The following FRMD4A variants were observed in gnomAD, a reference collection of about 807,000 sequenced individuals.
FRMD4A encodes FERM domain-containing protein 4A.
Under a neutral mutation model 129.1 loss-of-function variants are expected in FRMD4A, and 29 were observed. That is an observed-to-expected ratio of 0.22 (90% CI 0.17 to 0.31). The LOEUF (loss-of-function observed/expected upper bound fraction) is 0.31. FRMD4A is among the 10% of genes least tolerant of loss of function. FRMD4A has a pLI of 1.00. For missense variants in FRMD4A, 1,272 were observed against 1,375.8 expected (o/e 0.92, Z 1.19); for synonymous variants, 634 against 571.6 (o/e 1.11, Z -1.56).
chr10:14,074,744 T>C (rs1435283052), intron 2 of FRMD4A: 14 of 152,186 alleles, frequency 9.2e-5, no homozygotes, highest in Non-Finnish European at 2.9e-5. Context: ...GTCAAACTTA[T>C]GGCTACACAC....
intron 2 of FRMD4A, among the ~76,000 whole-genome samples, chr10:14,215,554 G>C (rs1016189032): frequency 6.6e-6 from 1 of 152,004 alleles, no homozygotes; most frequent in Non-Finnish European, 1.5e-5. Flanking sequence ...CTCCTTCTTA[G>C]AGCAAAAGAA....
chr10:13,697,508 C>A (rs1474359860), intron 14 of FRMD4A, among the ~76,000 whole-genome samples: 1 of 152,086 alleles, frequency 6.6e-6, no homozygotes, highest in East Asian at 1.9e-4. Flanking sequence ...GGGAGAGGAC[C>A]GGGAGGACAT....
chr10:13,746,115 G>A lies in FRMD4A; in HGVS notation c.548+1621C>T, dbSNP rs11815981. 9.1e-3 allele frequency among the ~76,000 whole-genome samples: 1,384 copies of A among 152,250 alleles called. 26 individuals carry two copies. The highest frequency in any genetic ancestry group is 0.032 in the African/African-American group (1,336 of 41,548). ...AGCTCAGAGAGATGAAATTAGGGACGCCAGACACGGAAGGGAGCTCCCAGC... is the reference window on the plus strand; with the variant it reads ...AGCTCAGAGAGATGAAATTAGGGACACCAGACACGGAAGGGAGCTCCCAGC... On this transcript the variant is annotated intron_variant, in intron 9 of 24. Transcript: ENST00000357447.
intron 15 of FRMD4A, among the ~76,000 whole-genome samples, chr10:13,690,339 G>A (rs2134811962): frequency 6.6e-6 from 1 of 152,348 alleles, no homozygotes; most frequent in East Asian, 1.9e-4. Context: ...CCTTCCAGAT[G>A]GCGCTGCCAA....
chr10:13,713,956 CAT>C (rs1269399734), intron 12 of FRMD4A, among the ~76,000 whole-genome samples: 1 of 108,220 alleles, frequency 9.2e-6, no homozygotes, highest in Non-Finnish European at 1.9e-5. Context: ...AATACACACA[CAT>C]ATATAATATA....
chr10:13,914,105 G>A (rs533867765), intron 2 of FRMD4A, among the ~76,000 whole-genome samples: 2 of 152,296 alleles, frequency 1.3e-5, no homozygotes, highest in East Asian at 3.9e-4. Context: ...GAAGAGGAAG[G>A]CGCGGGCAGA....
Position 13,647,018 on chromosome 10 carries a change from C to A in FRMD4A, c.*20G>T, listed in dbSNP as rs978557169. On this transcript the variant is annotated 3_prime_UTR_variant, in exon 25 of 25. Coordinates refer to ENST00000357447, the MANE Select transcript of FRMD4A (RefSeq NM_018027.5). ...TGGATAGAGGGAGGAATCCAGGAAACAGCTATCATTGTAGCTCCTGTGGGA... is the reference window on the plus strand; with the variant it reads ...TGGATAGAGGGAGGAATCCAGGAAAAAGCTATCATTGTAGCTCCTGTGGGA... The A allele has an allele frequency of 6.2e-6, 6 of 971,652 alleles. No homozygotes were observed. Among genetic ancestry groups the A allele is most frequent in the Admixed American group, 6.2e-5 (1 of 16,254 alleles). 60.2% of individuals were successfully genotyped at this position (971,652 alleles called of 1,614,324 possible).
At chr10:13,675,085 G>A (rs1564580233) in intron 15 of FRMD4A, 41 bp from the exon 16 acceptor site, 1 of 1,582,382 alleles carries the variant, frequency 6.3e-7, no homozygotes, top group Non-Finnish European at 8.6e-7. Context: ...GCTGACAGGG[G>A]ACACACATCT....
At chr10:14,053,864 A>T (rs2131690633) in intron 2 of FRMD4A, among the ~76,000 whole-genome samples, 1 of 152,258 alleles carries the variant, frequency 6.6e-6, no homozygotes, top group East Asian at 1.9e-4. Flanking sequence ...TCTCTACAAA[A>T]AAATGAAAAA....
At position 13,685,229 on chromosome 10, in the gene FRMD4A, G is replaced by T. The variant is rs918921164; in HGVS notation, c.1117+8669C>A. The T allele has an allele frequency of 4.1e-6, 4 of 983,574 alleles. No individual in the cohort carries two copies. In the African/African-American group the frequency reaches 7.0e-5, roughly 17 times the overall value. 60.9% of individuals were successfully genotyped at this position (983,574 alleles called of 1,614,324 possible). A position where few individuals can be genotyped will look rare whatever the true frequency, so the allele number is the denominator to read the frequency against. ...AAAATAGTTCATTTCAGAGAGCATT[G>T]AAATTGAAGCTCTTTGAAAACCAAG... On this transcript the variant is annotated intron_variant, in intron 15 of 24. Coordinates refer to ENST00000357447, the MANE Select transcript of FRMD4A (RefSeq NM_018027.5).
In FRMD4A at chr10:13,791,333, C is replaced by G. The variant is rs533075771; in HGVS notation, c.299+5163G>C. On this transcript the variant is annotated intron_variant, in intron 5 of 24. Transcript: ENST00000357447. Reference sequence around the variant, plus strand: ...TCTGTGTGGGGTTCATCACAATAACCATGAACCAACCTGAAGTTGCATGAA... The same window carrying G: ...TCTGTGTGGGGTTCATCACAATAACGATGAACCAACCTGAAGTTGCATGAA... 6.6e-5 allele frequency among the ~76,000 whole-genome samples: 10 copies of G among 152,206 alleles called. No homozygotes were observed. The East Asian group carries it at 1.9e-3, about 29-fold the overall frequency.
At chr10:14,172,774 A>G (rs1247539945) in intron 2 of FRMD4A, among the ~76,000 whole-genome samples, 1 of 152,206 alleles carries the variant, frequency 6.6e-6, no homozygotes, top group African/African-American at 2.4e-5. Context: ...AAGCAACAGG[A>G]TTCCAGCTAC....
intron 22 of FRMD4A, chr10:13,655,748 C>CTTCTGACTCTCATTTTATTCTT (rs1187481831): frequency 6.6e-6 from 1 of 152,194 alleles, no homozygotes; most frequent in East Asian, 1.9e-4. Flanking sequence ...CTCCCATTTG[C>CTTCTGACTCTCATTTTATTCTT]TTCTGACTCT....
intron 12 of FRMD4A, among the ~76,000 whole-genome samples, chr10:13,714,687 T>G (rs939113570): frequency 6.6e-6 from 1 of 152,124 alleles, no homozygotes; most frequent in South Asian, 2.1e-4. Flanking sequence ...ATGATTCCTA[T>G]AGCCAGAGAT....
intron 2 of FRMD4A, among the ~76,000 whole-genome samples, chr10:14,159,222 G>T (rs1470077782): frequency 6.6e-6 from 1 of 152,186 alleles, no homozygotes; most frequent in East Asian, 1.9e-4. Flanking sequence ...GGGAGTAAAT[G>T]TTCCCTAGCT....
chr10:13,988,430 T>G (rs1235427199), intron 2 of FRMD4A, among the ~76,000 whole-genome samples: 1 of 152,236 alleles, frequency 6.6e-6, no homozygotes, highest in Non-Finnish European at 1.5e-5. Context: ...ATGTGTTTAG[T>G]CCCTTCCTTT....
chr10:13,955,738 G>A (rs913277650), intron 2 of FRMD4A, among the ~76,000 whole-genome samples: 1 of 152,208 alleles, frequency 6.6e-6, no homozygotes, highest in South Asian at 2.1e-4. Flanking sequence ...GGAATTTCTA[G>A]CGTATTAAAG....
intron 2 of FRMD4A, among the ~76,000 whole-genome samples, chr10:14,146,939 G>T (rs1387967372): frequency 6.6e-6 from 1 of 152,122 alleles, no homozygotes; most frequent in Non-Finnish European, 1.5e-5. Context: ...TCATCTATTT[G>T]CTTCATTTCC....
At chr10:13,864,767 G>A (rs1395471067) in intron 2 of FRMD4A, among the ~76,000 whole-genome samples, 1 of 151,714 alleles carries the variant, frequency 6.6e-6, no homozygotes, top group African/African-American at 2.4e-5. Context: ...GGTAGAGATG[G>A]GGTTTCACCA....
Sources: allele counts gnomAD v4.1 joint callset (sites outside exome capture counted in the v4.1 genomes callset), GRCh38; gene constraint gnomAD v4.1.1; transcripts MANE v1.5; gene names NCBI Gene and HGNC (gene_info 2026-07-23, HGNC 2026-07-21).